The following NINJ2 variants were observed in gnomAD, a reference collection of about 807,000 sequenced individuals.
NINJ2 encodes ninjurin 2, also known as ninjurin-2.
In NINJ2, 12 loss-of-function variants were observed where a neutral mutation model predicts 11.7. That is an observed-to-expected ratio of 1.02 (90% CI 0.66 to 1.66). The LOEUF is 1.66. Among genes scored for constraint, NINJ2 ranks in the 40% most tolerant of loss-of-function variants. NINJ2 has a pLI of 0.00. For missense variants in NINJ2, 187 were observed against 181.8 expected, an observed-to-expected ratio of 1.03 and a Z score of -0.16; for synonymous variants, 93 against 76.8, an observed-to-expected ratio of 1.21 and a Z score of -1.10.
chr12:619,419 G>A (rs1948129012), intron 1 of NINJ2, among the ~76,000 whole-genome samples: 1 of 152,166 alleles, frequency 6.6e-6, no homozygotes, highest in Non-Finnish European at 1.5e-5. Flanking sequence ...CATGGAGTGG[G>A]GCGATCTTTA....
At chr12:649,531 G>GTATATATATATATATA (rs58255301) in intron 1 of NINJ2, among the ~76,000 whole-genome samples, 5,713 of 127,376 alleles carry the variant, frequency 0.045, 267 homozygotes, top group South Asian at 0.068. Flanking sequence ...GTGTATATGT[G>GTATATATATATATATA]TATATATATA....
At chr12:607,653 G>A (rs1947957820) in intron 1 of NINJ2, among the ~76,000 whole-genome samples, 1 of 152,204 alleles carries the variant, frequency 6.6e-6, no homozygotes, top group Non-Finnish European at 1.5e-5. Flanking sequence ...ATGATGCTTG[G>A]CTGGGGGAAT....
At chr12:582,390 C>T (rs1243311411) in intron 1 of NINJ2, among the ~76,000 whole-genome samples, 1 of 78,156 alleles carries the variant, frequency 1.3e-5, no homozygotes, top group African/African-American at 6.0e-5. Context: ...GGCAGGCATG[C>T]TAGAGTGAAT....
At chr12:623,955 G>C (rs1450456225) in intron 1 of NINJ2, among the ~76,000 whole-genome samples, 2 of 152,304 alleles carry the variant, frequency 1.3e-5, no homozygotes, top group Middle Eastern at 3.4e-3. Context: ...AGGATCGCTT[G>C]AGCTCAGGAG....
chr12:579,870 A>G (rs1947522451), intron 1 of NINJ2, among the ~76,000 whole-genome samples: 1 of 152,190 alleles, frequency 6.6e-6, no homozygotes, highest in Non-Finnish European at 1.5e-5. Flanking sequence ...TGGCAAAACA[A>G]ATCTCTCCTC....
At chr12:648,996 G>GTCTGTCTGTCTATCTATCTATCTA (rs10633920) in intron 1 of NINJ2, among the ~76,000 whole-genome samples, 5 of 148,912 alleles carry the variant, frequency 3.4e-5, no homozygotes, top group Non-Finnish European at 7.4e-5. Context: ...CTATCTATCT[G>GTCTGTCTGTCTATCTATCTATCTA]TCTATCTATC....
chr12:587,926 G>A (rs967422592), intron 1 of NINJ2, among the ~76,000 whole-genome samples: 18 of 152,164 alleles, frequency 1.2e-4, no homozygotes, highest in African/African-American at 4.1e-4. Flanking sequence ...TTCAGGGTAG[G>A]AGCCGTAGTA....
At chr12:643,396 T>G in intron 1 of NINJ2, 1 of 971,268 alleles carries the variant, frequency 1.0e-6, no homozygotes, top group Non-Finnish European at 1.2e-6. Flanking sequence ...GCAGCTGCAG[T>G]CGCGCCAGCC....
chr12:633,920 C>T lies in NINJ2; in HGVS notation c.33+29408G>A, dbSNP rs1592109373. Reference sequence around the variant, plus strand: ...ATAATTCGGCCCCACCCCACCTATCCAGTTGTGCTTTCCCCCACACACACC... The same window carrying T: ...ATAATTCGGCCCCACCCCACCTATCTAGTTGTGCTTTCCCCCACACACACC... On this transcript the variant is annotated intron_variant, in intron 1 of 3. Coordinates refer to ENST00000305108, the MANE Select transcript of NINJ2 (RefSeq NM_016533.6). The surrounding 1 kb of genome is among the most constrained non-coding windows in gnomAD (Gnocchi z 4.3). 6.6e-6 allele frequency among the ~76,000 whole-genome samples: 1 copy of T among 152,162 alleles called. No homozygotes were observed. The highest frequency in any genetic ancestry group is 1.9e-4 in the East Asian group (1 of 5,196).
intron 1 of NINJ2, among the ~76,000 whole-genome samples, chr12:638,320 C>T (rs1948376784): frequency 6.6e-6 from 1 of 152,252 alleles, no homozygotes; most frequent in Non-Finnish European, 1.5e-5. Context: ...GAGCCAGGCC[C>T]ATCGCTCCAA....
At chr12:578,121 G>A (rs779416669) in intron 1 of NINJ2, among the ~76,000 whole-genome samples, 23 of 152,218 alleles carry the variant, frequency 1.5e-4, no homozygotes, top group East Asian at 1.9e-4. Context: ...GTTCTGTTCC[G>A]TTCTAATTAC....
At chr12:604,859 C>T (rs1947920319) in intron 1 of NINJ2, among the ~76,000 whole-genome samples, 1 of 152,194 alleles carries the variant, frequency 6.6e-6, no homozygotes, top group African/African-American at 2.4e-5. Flanking sequence ...GACAGATCCT[C>T]CCCAAGGCAA....
At position 581,100 on chromosome 12, in the gene NINJ2, TGTGTGTCTGTGTCTGTGTGTGC is replaced by T. The variant is rs1183400826; in HGVS notation, c.34-14944_34-14923del. Among the ~76,000 whole-genome samples the T allele has an allele frequency of 6.7e-6, 1 of 149,026 alleles. No individual in the cohort carries two copies. Among genetic ancestry groups the T allele is most frequent in the Non-Finnish European group, 1.5e-5 (1 of 67,056 alleles). ...CTCTGTGTGTGTGTGCATGTGTCTC[TGTGTGTCTGTGTCTGTGTGTGC>T]GTGTCTCTGTGCCTCTGTGTGTGTG... On this transcript the variant is annotated intron_variant, in intron 1 of 3. Transcript: ENST00000305108. The surrounding 1 kb of genome is among the most constrained non-coding windows in gnomAD (Gnocchi z 4.9).
At chr12:646,705 G>A (rs1937689285) in intron 1 of NINJ2, among the ~76,000 whole-genome samples, 1 of 152,176 alleles carries the variant, frequency 6.6e-6, no homozygotes, top group African/African-American at 2.4e-5. Flanking sequence ...TCCTGGTTGT[G>A]TGAGTGAGGC....
At chr12:566,653 G>A (rs1947304816) in intron 1 of NINJ2, among the ~76,000 whole-genome samples, 1 of 152,230 alleles carries the variant, frequency 6.6e-6, no homozygotes, top group South Asian at 2.1e-4. Context: ...AAGGCAGGGT[G>A]CACAGCTCAG....
Position 581,694 on chromosome 12 carries a change from G to A in NINJ2, c.34-15516C>T, listed in dbSNP as rs1307696935. 1.3e-5 allele frequency among the ~76,000 whole-genome samples: 2 copies of A among 152,162 alleles called. No homozygotes were observed. Among genetic ancestry groups the A allele is most frequent in the Non-Finnish European group, 2.9e-5 (2 of 68,024 alleles). On this transcript the variant is annotated intron_variant, in intron 1 of 3. Coordinates refer to ENST00000305108, the MANE Select transcript of NINJ2 (RefSeq NM_016533.6). The surrounding 1 kb of genome is among the most constrained non-coding windows in gnomAD (Gnocchi z 4.9). ...GGCCGGCAAGTGGGTGCAGGGATCTGATCCCACTGCTGACCATCCAACTCA... is the reference window on the plus strand; with the variant it reads ...GGCCGGCAAGTGGGTGCAGGGATCTAATCCCACTGCTGACCATCCAACTCA...
At chr12:636,530 C>T (rs1166880714) in intron 1 of NINJ2, among the ~76,000 whole-genome samples, 1 of 151,720 alleles carries the variant, frequency 6.6e-6, no homozygotes. Context: ...AACTTAACAG[C>T]GAGAAAACCA....
At chr12:589,821 G>A (rs902306110) in intron 1 of NINJ2, among the ~76,000 whole-genome samples, 1 of 151,704 alleles carries the variant, frequency 6.6e-6, no homozygotes, top group African/African-American at 2.4e-5. Context: ...TGGAAGGGGG[G>A]AAACAGTTGG....
At position 591,602 on chromosome 12, in the gene NINJ2, G is replaced by T. The variant is rs1947715672; in HGVS notation, c.34-25424C>A. On this transcript the variant is annotated intron_variant, in intron 1 of 3. Transcript: ENST00000305108. The surrounding 1 kb of genome is among the most constrained non-coding windows in gnomAD (Gnocchi z 5.0). Reference sequence around the variant, plus strand: ...CCATAGAGCTGGTCTTAAAAGCAGGGGCCTTTTGGCTGAGCTCCGAGTCCC... The same window carrying T: ...CCATAGAGCTGGTCTTAAAAGCAGGTGCCTTTTGGCTGAGCTCCGAGTCCC... Among the ~76,000 whole-genome samples the T allele has an allele frequency of 6.6e-6, 1 of 152,084 alleles. No homozygotes were observed. The highest frequency in any genetic ancestry group is 1.5e-5 in the Non-Finnish European group (1 of 68,018).
Sources: allele counts gnomAD v4.1 joint callset (sites outside exome capture counted in the v4.1 genomes callset), GRCh38; gene constraint gnomAD v4.1.1; non-coding constraint Gnocchi (gnomAD v3.1); transcripts MANE v1.5; gene names NCBI Gene and HGNC (gene_info 2026-07-23, HGNC 2026-07-21).